The following CACNA1D variants were observed in gnomAD, a reference collection of about 807,000 sequenced individuals.
The protein encoded by CACNA1D is calcium voltage-gated channel subunit alpha1 D.
A neutral mutation model predicts 257.1 loss-of-function variants in CACNA1D; 55 were observed. That is an observed-to-expected ratio of 0.21 (90% CI 0.17 to 0.27). The LOEUF is 0.27. Ranked by LOEUF, CACNA1D falls within the 10% of genes least tolerant of loss-of-function variation. The probability of loss-of-function intolerance (pLI) is 1.00; values close to 1 mark genes in which losing one functional copy is unlikely to be tolerated. For missense variants in CACNA1D, 1,876 were observed against 2,784.0 expected, an observed-to-expected ratio of 0.67 and a Z score of 7.34; for synonymous variants, 980 against 1,014.9, an observed-to-expected ratio of 0.97 and a Z score of 0.65.
chr3:53,735,817 C>T (rs1205775584), intron 20 of CACNA1D, among the ~76,000 whole-genome samples: 1 of 152,220 alleles, frequency 6.6e-6, no homozygotes, highest in Non-Finnish European at 1.5e-5. Flanking sequence ...TCCCTCCCTG[C>T]TCAGGTTTAC....
At chr3:53,623,925 C>T (rs183788649) in intron 3 of CACNA1D, among the ~76,000 whole-genome samples, 67 of 152,260 alleles carry the variant, frequency 4.4e-4, no homozygotes, top group Non-Finnish European at 8.5e-4. Flanking sequence ...AATTAGTGAT[C>T]GGGGACGGTG....
chr3:53,541,431 T>A (rs1444540753), intron 3 of CACNA1D, among the ~76,000 whole-genome samples: 1 of 152,278 alleles, frequency 6.6e-6, no homozygotes, highest in East Asian at 1.9e-4. Context: ...CAAATAATAG[T>A]TTGGAGCAAA....
intron 2 of CACNA1D, among the ~76,000 whole-genome samples, chr3:53,500,623 A>C (rs1362471788): frequency 6.6e-6 from 1 of 152,238 alleles, no homozygotes; most frequent in Non-Finnish European, 1.5e-5. Context: ...TAGGCGAAGC[A>C]CTGTGGTAAA....
At chr3:53,577,138 A>G (rs765258911) in intron 3 of CACNA1D, among the ~76,000 whole-genome samples, 23 of 152,140 alleles carry the variant, frequency 1.5e-4, no homozygotes, top group Non-Finnish European at 3.2e-4. Flanking sequence ...TTTACTGGCC[A>G]TGTGGTCTGG....
At chr3:53,512,988 TAGCC>T (rs1241422236) in intron 3 of CACNA1D, among the ~76,000 whole-genome samples, 1 of 152,220 alleles carries the variant, frequency 6.6e-6, no homozygotes, top group Non-Finnish European at 1.5e-5. Context: ...TTTATGGAAA[TAGCC>T]AGGGCACAGG....
rs2680671 is a variant in CACNA1D, at chr3:53,746,054, C to T, written c.3167+179C>T. ...GAGGTGAAATTCACGTAACATCAACCATTTTCAGTATACAGTTCCTTAGCA... is the reference window on the plus strand; with the variant it reads ...GAGGTGAAATTCACGTAACATCAACTATTTTCAGTATACAGTTCCTTAGCA... On this transcript the variant is annotated intron_variant, in intron 25 of 47. Coordinates refer to ENST00000350061, the MANE Select transcript of CACNA1D (RefSeq NM_001128840.3). 0.41 allele frequency among the ~76,000 whole-genome samples: 62,280 copies of T among 151,820 alleles called. 13,580 individuals are homozygous for T. The highest frequency in any genetic ancestry group is 0.8 in the East Asian group (4,131 of 5,166).
At chr3:53,671,175 G>A (rs1371980693) in intron 7 of CACNA1D, among the ~76,000 whole-genome samples, 2 of 152,200 alleles carry the variant, frequency 1.3e-5, no homozygotes, top group East Asian at 1.9e-4. Flanking sequence ...TCCCTCCCAA[G>A]TAGAGAAGAC....
In CACNA1D at chr3:53,723,747, T is replaced by C; in HGVS notation, c.1893-45T>C. ...CCCGGGCAGGTGATGTTCTGCTCTGTCCTGCATGGGTGTTCTGAGCTGACA... is the reference window on the plus strand; with the variant it reads ...CCCGGGCAGGTGATGTTCTGCTCTGCCCTGCATGGGTGTTCTGAGCTGACA... On this transcript the variant is annotated intron_variant, in intron 13 of 47. Coordinates refer to ENST00000350061, the MANE Select transcript of CACNA1D (RefSeq NM_001128840.3). The surrounding 1 kb of genome is among the most constrained non-coding windows in gnomAD (Gnocchi z 5.6). 1.9e-6 allele frequency: 3 copies of C among 1,588,526 alleles called. No individual in the cohort carries two copies. The highest frequency in any genetic ancestry group is 2.6e-6 in the Non-Finnish European group (3 of 1,156,682).
intron 3 of CACNA1D, among the ~76,000 whole-genome samples, chr3:53,528,967 C>T (rs2091856891): frequency 6.6e-6 from 1 of 152,098 alleles, no homozygotes; most frequent in Non-Finnish European, 1.5e-5. Flanking sequence ...TTTGTTTCTT[C>T]CATTCTAATA....
intron 29 of CACNA1D, among the ~76,000 whole-genome samples, chr3:53,761,275 A>C (rs556104318): frequency 1.1e-4 from 17 of 152,274 alleles, no homozygotes; most frequent in African/African-American, 4.1e-4. Flanking sequence ...GAGCCCTGGA[A>C]CATCCTCTTC....
intron 14 of CACNA1D, among the ~76,000 whole-genome samples, chr3:53,725,853 G>T (rs560366469): frequency 6.6e-6 from 1 of 152,152 alleles, no homozygotes; most frequent in East Asian, 1.9e-4. Context: ...TCTGTCTGTC[G>T]TCGGAAGATA....
intron 9 of CACNA1D, among the ~76,000 whole-genome samples, chr3:53,713,126 G>A (rs1466655200): frequency 6.6e-6 from 1 of 152,160 alleles, no homozygotes; most frequent in African/African-American, 2.4e-5. Flanking sequence ...CTCACTTCTT[G>A]TGCCCTCCCC....
At chr3:53,690,771 C>T (rs1436638955) in intron 8 of CACNA1D, among the ~76,000 whole-genome samples, 2 of 152,162 alleles carry the variant, frequency 1.3e-5, no homozygotes, top group Non-Finnish European at 2.9e-5. Context: ...AGTGGGAACC[C>T]CTAGCAGCTC....
intron 3 of CACNA1D, among the ~76,000 whole-genome samples, chr3:53,549,646 T>C (rs2092487727): frequency 6.6e-6 from 1 of 152,240 alleles, no homozygotes; most frequent in South Asian, 2.1e-4. Flanking sequence ...AGCATAATAA[T>C]GTAAACCCTA....
At chr3:53,572,347 C>G (rs1020257732) in intron 3 of CACNA1D, among the ~76,000 whole-genome samples, 3 of 151,054 alleles carry the variant, frequency 2.0e-5, no homozygotes, top group East Asian at 1.9e-4. Flanking sequence ...TTTTGGCCCT[C>G]TCTGCCTCTG....
chr3:53,564,439 G>A (rs966921714), intron 3 of CACNA1D, among the ~76,000 whole-genome samples: 2 of 152,120 alleles, frequency 1.3e-5, no homozygotes, highest in South Asian at 2.1e-4. Context: ...GGGATTTGCT[G>A]GGTTGTCTTT....
intron 3 of CACNA1D, among the ~76,000 whole-genome samples, chr3:53,599,433 G>A (rs1416524878): frequency 6.6e-6 from 1 of 151,986 alleles, no homozygotes; most frequent in African/African-American, 2.4e-5. Flanking sequence ...GAGTCGCAAA[G>A]TTATTTGCTT....
chr3:53,723,636 C>G lies in CACNA1D; in HGVS notation c.1869C>G (p.Leu623=). The G allele has an allele frequency of 1.2e-6, 2 of 1,614,044 alleles. No individual in the cohort carries two copies. Among genetic ancestry groups the G allele is most frequent in the Non-Finnish European group, 1.7e-6 (2 of 1,179,988 alleles). ...LGISVFRCVR[L]LRIFKVTRHW... is the part of the protein sequence containing the mutation. ...TCTCTGTGTTTCGGTGTGTGCGCCT[C>G]TTAAGAATCTTCAAAGTGACCAGGT... Residue 623 remains leucine (L), a synonymous_variant, in exon 13 of 48, where the codon CTC becomes CTG. Coordinates refer to ENST00000350061, the MANE Select transcript of CACNA1D (RefSeq NM_001128840.3). This position sits in a 1 kb window ranked among gnomAD's most constrained non-coding sequence, Gnocchi z 5.6.
chr3:53,809,658 G>C (rs4687743), intron 46 of CACNA1D: 1 of 424,168 alleles, frequency 2.4e-6, no homozygotes, highest in South Asian at 2.3e-5. Context: ...GAACTGGGTG[G>C]TGTGTTCACA....
Sources: allele counts gnomAD v4.1 joint callset (sites outside exome capture counted in the v4.1 genomes callset), GRCh38; gene constraint gnomAD v4.1.1; non-coding constraint Gnocchi (gnomAD v3.1); transcripts MANE v1.5; gene names NCBI Gene and HGNC (gene_info 2026-07-23, HGNC 2026-07-21).